SRGAP1: variants seen among roughly 807,000 people sequenced by gnomAD.
SRGAP1 encodes SLIT-ROBO Rho GTPase activating protein 1, also known as SLIT-ROBO Rho GTPase-activating protein 1.
SRGAP1 carries 43 observed loss-of-function variants against 121.9 expected under a neutral mutation model. That is an observed-to-expected ratio of 0.35 (90% CI 0.28 to 0.46). SRGAP1 has a LOEUF of 0.46. Among genes scored for constraint, SRGAP1 ranks in the 20% least tolerant of loss-of-function variants. The probability of loss-of-function intolerance (pLI) is 1.00; values close to 1 mark genes in which losing one functional copy is unlikely to be tolerated. For missense variants in SRGAP1, 1,102 were observed against 1,350.9 expected (o/e 0.82, Z 2.89); for synonymous variants, 447 against 485.4 (o/e 0.92, Z 1.04).
intron 3 of SRGAP1, among the ~76,000 whole-genome samples, chr12:63,999,027 G>A (rs1482067717): frequency 6.6e-6 from 1 of 152,096 alleles, no homozygotes; most frequent in Non-Finnish European, 1.5e-5. Context: ...GTACAGTAAG[G>A]GGAGAAGCCC....
chr12:63,901,170 A>G (rs1416996606), intron 1 of SRGAP1, among the ~76,000 whole-genome samples: 1 of 152,198 alleles, frequency 6.6e-6, no homozygotes, highest in Non-Finnish European at 1.5e-5. Flanking sequence ...GCCCTGGAGA[A>G]ACCTCATAGT....
rs79179466 is a variant in SRGAP1 at position 63,998,986 on chromosome 12, A to G, written c.426+8914A>G. Among the ~76,000 whole-genome samples the G allele has an allele frequency of 8.6e-3, 1,302 of 152,278 alleles. 19 individuals carry two copies. Among genetic ancestry groups the G allele is most frequent in the African/African-American group, 0.029 (1,219 of 41,550 alleles). The stretch of plus-strand genomic sequence containing the variant: ...GATCTTATAGTGGGAAAGTACAATT[A>G]CAATCTTAATTACAGAACAGCATGT... On this transcript the variant is annotated intron_variant, in intron 3 of 21. Transcript: ENST00000355086.
intron 6 of SRGAP1, among the ~76,000 whole-genome samples, chr12:64,058,748 C>T (rs555081277): frequency 2.1e-4 from 32 of 152,114 alleles, no homozygotes; most frequent in African/African-American, 6.5e-4. Flanking sequence ...CATAGAATTA[C>T]TCTAAACCTT....
In SRGAP1 at chr12:64,140,718, TC is replaced by T. The variant is rs1277034346; in HGVS notation, c.2881-1575del. ...CCATTGTGGAAGTCAGTGTGGCGAT[TC>T]CTCAGGGATCTAGAACTGGAAATAC... On this transcript the variant is annotated intron_variant, in intron 21 of 21. Transcript: ENST00000355086. 5.4e-5 allele frequency among the ~76,000 whole-genome samples: 7 copies of T among 128,840 alleles called. No individual in the cohort carries two copies. In the East Asian group the frequency reaches 1.6e-3, roughly 29 times the overall value. The allele number at this position is 128,840 out of a possible 152,430, so 84.5% of individuals were successfully genotyped here.
chr12:64,023,232 G>A (rs536000575), intron 4 of SRGAP1, among the ~76,000 whole-genome samples: 35 of 144,654 alleles, frequency 2.4e-4, no homozygotes, highest in African/African-American at 6.9e-4. Flanking sequence ...AAAAAAGGAA[G>A]GTAACTTCCC....
At position 64,151,099 on chromosome 12, in the gene SRGAP1, A is replaced by G. The variant is rs922452754; in HGVS notation, c.*8427A>G. The G allele has an allele frequency of 1.3e-5, 2 of 152,128 alleles. No homozygotes were observed. The highest frequency in any genetic ancestry group is 6.6e-5 in the Admixed American group (1 of 15,264). The allele number at this position is 152,128 out of a possible 1,614,324, so 9.4% of individuals were successfully genotyped here. ...GAAATTTTAAGTAAGCCAAAAATCTATTATATAGTCATAAGTCAAACTCAG... is the reference window on the plus strand; with the variant it reads ...GAAATTTTAAGTAAGCCAAAAATCTGTTATATAGTCATAAGTCAAACTCAG... On this transcript the variant is annotated 3_prime_UTR_variant, in exon 22 of 22. Transcript: ENST00000355086.
chr12:63,847,597 T>G (rs1250899463), intron 1 of SRGAP1, among the ~76,000 whole-genome samples: 3 of 151,898 alleles, frequency 2.0e-5, no homozygotes, highest in Admixed American at 2.0e-4. Context: ...AATACAAAAA[T>G]TAGCCGGACA....
chr12:63,898,746 C>T (rs1045206092), intron 1 of SRGAP1, among the ~76,000 whole-genome samples: 4 of 152,092 alleles, frequency 2.6e-5, no homozygotes, highest in Non-Finnish European at 1.5e-5. Flanking sequence ...TCTATAGTAT[C>T]GTCACATTTC....
At chr12:64,122,644 A>G (rs1473650362) in intron 18 of SRGAP1, among the ~76,000 whole-genome samples, 1 of 152,212 alleles carries the variant, frequency 6.6e-6, no homozygotes, top group Admixed American at 6.5e-5. Flanking sequence ...TTACACGTGT[A>G]ATCTCAGCAC....
chr12:63,860,869 A>G (rs1440025980), intron 1 of SRGAP1, among the ~76,000 whole-genome samples: 1 of 150,534 alleles, frequency 6.6e-6, no homozygotes, highest in Non-Finnish European at 1.5e-5. Context: ...TTTGTTGCCC[A>G]GACTGGAGTG....
intron 1 of SRGAP1, among the ~76,000 whole-genome samples, chr12:63,979,401 T>G (rs1036436120): frequency 9.2e-5 from 14 of 152,192 alleles, no homozygotes; most frequent in Admixed American, 7.9e-4. Context: ...TTGTGTATTC[T>G]GTATACAAGT....
At chr12:63,933,704 C>T (rs929959865) in intron 1 of SRGAP1, among the ~76,000 whole-genome samples, 6 of 152,100 alleles carry the variant, frequency 3.9e-5, no homozygotes, top group African/African-American at 1.4e-4. Context: ...GAAAGGGATG[C>T]ACAAGTACAC....
chr12:64,108,897 GA>G, intron 15 of SRGAP1, 34 bp from the exon 16 acceptor site: 1 of 1,514,802 alleles, frequency 6.6e-7, no homozygotes, highest in Non-Finnish European at 9.0e-7. Context: ...TGTGGCAAGT[GA>G]AAGGACTCTG....
intron 6 of SRGAP1, 61 bp downstream of exon 6, chr12:64,043,636 C>A: frequency 7.5e-7 from 1 of 1,330,448 alleles, no homozygotes; most frequent in Non-Finnish European, 1.0e-6. Context: ...AACCATATTT[C>A]GTTGATTGGA....
chr12:64,033,945 G>T (rs753354712), intron 4 of SRGAP1, among the ~76,000 whole-genome samples: 3 of 151,958 alleles, frequency 2.0e-5, no homozygotes, highest in African/African-American at 7.3e-5. Context: ...GCTTGAACCC[G>T]GTGTGAGGGG....
intron 17 of SRGAP1, among the ~76,000 whole-genome samples, chr12:64,114,411 C>T (rs755939735): frequency 7.5e-6 from 1 of 133,434 alleles, no homozygotes; most frequent in Non-Finnish European, 1.5e-5. Flanking sequence ...GCAATCTTGA[C>T]TCACTGTATT....
intron 1 of SRGAP1, among the ~76,000 whole-genome samples, chr12:63,872,377 T>A (rs1388005898): frequency 6.6e-6 from 1 of 152,154 alleles, no homozygotes; most frequent in Non-Finnish European, 1.5e-5. Flanking sequence ...AGAAATTAAT[T>A]TAAGTTTCTC....
intron 21 of SRGAP1, among the ~76,000 whole-genome samples, chr12:64,141,309 C>T (rs936060716): frequency 3.3e-5 from 5 of 150,166 alleles, no homozygotes; most frequent in African/African-American, 4.9e-5. Context: ...TGGCCCGGCA[C>T]GGTGGCTCAT....
At chr12:64,064,762 T>G (rs1475676109) in intron 7 of SRGAP1, among the ~76,000 whole-genome samples, 2 of 152,130 alleles carry the variant, frequency 1.3e-5, no homozygotes, top group Non-Finnish European at 2.9e-5. Context: ...TTTACTTATG[T>G]CCGTACAATC....
Sources: allele counts gnomAD v4.1 joint callset (sites outside exome capture counted in the v4.1 genomes callset), GRCh38; gene constraint gnomAD v4.1.1; transcripts MANE v1.5; gene names NCBI Gene and HGNC (gene_info 2026-07-23, HGNC 2026-07-21).